Variants in PPP2R5E observed in about 807,000 individuals in gnomAD.
The protein encoded by PPP2R5E is serine/threonine-protein phosphatase 2A 56 kDa regulatory subunit epsilon isoform.
Under a neutral mutation model 65.3 loss-of-function variants are expected in PPP2R5E, and 4 were observed. The observed-to-expected ratio is 0.06, with a 90% CI of 0.03 to 0.14. The LOEUF (loss-of-function observed/expected upper bound fraction) is 0.14. Ranked by LOEUF, PPP2R5E falls within the 10% of genes least tolerant of loss-of-function variation. PPP2R5E has a pLI of 1.00. For synonymous variants in PPP2R5E, 183 were observed against 187.4 expected (o/e 0.98, Z 0.19); for missense variants, 274 against 556.1 (o/e 0.49, Z 5.10).
At chr14:63,455,147 T>C (rs1159986910) in intron 2 of PPP2R5E, among the ~76,000 whole-genome samples, 1 of 152,276 alleles carries the variant, frequency 6.6e-6, no homozygotes, top group East Asian at 1.9e-4. Context: ...GGCAACAGCA[T>C]ACAGCACCCC....
At chr14:63,455,473 G>A (rs965050028) in intron 2 of PPP2R5E, among the ~76,000 whole-genome samples, 1 of 152,138 alleles carries the variant, frequency 6.6e-6, no homozygotes, top group African/African-American at 2.4e-5. Context: ...ATTAACCAGT[G>A]AGTTTCCCTT....
intron 2 of PPP2R5E, among the ~76,000 whole-genome samples, chr14:63,490,949 T>C (rs533231260): frequency 5.9e-5 from 9 of 152,014 alleles, no homozygotes; most frequent in African/African-American, 1.7e-4. Flanking sequence ...ATGTTCATCA[T>C]AGCACTATTC....
At chr14:63,458,542 G>A (rs1432478734) in intron 2 of PPP2R5E, among the ~76,000 whole-genome samples, 6 of 152,122 alleles carry the variant, frequency 3.9e-5, no homozygotes, top group African/African-American at 1.4e-4. Context: ...AAATATGCCA[G>A]CCAAGTAAAT....
intron 3 of PPP2R5E, among the ~76,000 whole-genome samples, chr14:63,450,164 C>A (rs1286846458): frequency 3.9e-5 from 6 of 152,210 alleles, no homozygotes; most frequent in Admixed American, 1.3e-4. Context: ...GCGTGAGCCA[C>A]CGCGCCCAGC....
chr14:63,502,706 T>C (rs1177400793), intron 2 of PPP2R5E, among the ~76,000 whole-genome samples: 2 of 152,048 alleles, frequency 1.3e-5, no homozygotes, highest in South Asian at 2.1e-4. Context: ...CCCACCACAA[T>C]ACCCAAATGC....
Position 63,420,791 on chromosome 14 carries a change from G to A in PPP2R5E, c.456+1202C>T, listed in dbSNP as rs1293839167. On this transcript the variant is annotated intron_variant, in intron 4 of 13. Transcript: ENST00000337537. ...CCTGAGGCCGGGCGCGGTGGCTCACGCCTGTAATCCCAGCACTTTGGGAGG... is the reference window on the plus strand; with the variant it reads ...CCTGAGGCCGGGCGCGGTGGCTCACACCTGTAATCCCAGCACTTTGGGAGG... 2.0e-5 allele frequency among the ~76,000 whole-genome samples: 2 copies of A among 100,954 alleles called. 1 individual carries two copies. The highest frequency in any genetic ancestry group is 1.1e-4 in the African/African-American group (2 of 17,702). The allele number at this position is 100,954 out of a possible 152,430, so 66.2% of individuals were successfully genotyped here.
intron 5 of PPP2R5E, among the ~76,000 whole-genome samples, chr14:63,405,644 T>C (rs984538999): frequency 1.3e-5 from 2 of 152,228 alleles, no homozygotes; most frequent in Non-Finnish European, 2.9e-5. Context: ...AAGTAATCTT[T>C]AGAAATATGT....
At chr14:63,480,101 T>G (rs1890618761) in intron 2 of PPP2R5E, among the ~76,000 whole-genome samples, 1 of 152,164 alleles carries the variant, frequency 6.6e-6, no homozygotes, top group Non-Finnish European at 1.5e-5. Flanking sequence ...CTTTTACCAA[T>G]CTTACTCCAC....
intron 3 of PPP2R5E, among the ~76,000 whole-genome samples, chr14:63,441,495 C>T (rs1888233586): frequency 1.3e-5 from 2 of 152,218 alleles, no homozygotes; most frequent in South Asian, 4.1e-4. Context: ...TTGTACTCTC[C>T]AAGTGAGCAG....
chr14:63,484,003 G>C (rs1424365822), intron 2 of PPP2R5E, among the ~76,000 whole-genome samples: 3 of 151,548 alleles, frequency 2.0e-5, no homozygotes, highest in Non-Finnish European at 4.4e-5. Flanking sequence ...AGAATCGCTT[G>C]AACTGGTGAG....
intron 2 of PPP2R5E, among the ~76,000 whole-genome samples, chr14:63,459,708 C>T (rs1390613527): frequency 6.6e-6 from 1 of 152,118 alleles, no homozygotes; most frequent in Non-Finnish European, 1.5e-5. Flanking sequence ...CACTGCTAAG[C>T]ATTTGTATTT....
Position 63,501,969 on chromosome 14 carries a change from A to G in PPP2R5E, c.157+37560T>C, listed in dbSNP as rs571151753. ...GAGTGCAGTGGCGAGATCTCAGCTC[A>G]CTGCAGCCTCCACCTCCAAGGTTCA... On this transcript the variant is annotated intron_variant, in intron 2 of 13. Coordinates refer to ENST00000337537, the MANE Select transcript of PPP2R5E (RefSeq NM_006246.5). Among the ~76,000 whole-genome samples the G allele has an allele frequency of 2.6e-3, 393 of 152,250 alleles. 1 individual carries two copies. The highest frequency in any genetic ancestry group is 6.8e-3 in the Middle Eastern group (2 of 294).
intron 2 of PPP2R5E, among the ~76,000 whole-genome samples, chr14:63,462,236 A>G (rs1297450582): frequency 6.6e-6 from 1 of 151,924 alleles, no homozygotes; most frequent in African/African-American, 2.4e-5. Context: ...TTGCCCGGCT[A>G]ATTTTTTGTA....
Position 63,453,739 on chromosome 14 carries a change from T to C in PPP2R5E, c.304A>G (p.Ile102Val). ...TLNELVDYITISRGCLTEQTY... is the reference protein window; with the variant it reads ...TLNELVDYITVSRGCLTEQTY... ...TGCTCTGTCAAACAGCCTCTGCTTATTGTAATGTAGTCCACCAGTTCATTA... is the reference window on the plus strand; with the variant it reads ...TGCTCTGTCAAACAGCCTCTGCTTACTGTAATGTAGTCCACCAGTTCATTA... Residue 102 changes from isoleucine to valine, a missense_variant, in exon 3 of 14, where the codon ATA becomes GTA. Physicochemically the swap from Ile to Val is conservative, Grantham distance 29 (BLOSUM62 3). Coordinates refer to ENST00000337537, the MANE Select transcript of PPP2R5E (RefSeq NM_006246.5). 3 of 1,613,888 alleles carry C rather than the reference T, an allele frequency of 1.9e-6. No homozygotes were observed. The highest frequency in any genetic ancestry group is 1.1e-5 in the South Asian group (1 of 91,000).
At chr14:63,472,475 T>C (rs1890181884) in intron 2 of PPP2R5E, among the ~76,000 whole-genome samples, 1 of 152,334 alleles carries the variant, frequency 6.6e-6, no homozygotes, top group Non-Finnish European at 1.5e-5. Context: ...ACACAGAAGT[T>C]TGGTTGTTTC....
intron 11 of PPP2R5E, among the ~76,000 whole-genome samples, chr14:63,388,080 C>A (rs1183782938): frequency 6.6e-6 from 1 of 151,700 alleles, no homozygotes; most frequent in African/African-American, 2.4e-5. Context: ...TTCTAAGCTT[C>A]TGAGTAACGC....
chr14:63,389,832 T>G, intron 10 of PPP2R5E, 101 bp from the exon 11 acceptor site: 1 of 1,297,362 alleles, frequency 7.7e-7, no homozygotes, highest in South Asian at 1.8e-5. Flanking sequence ...TAAGAAAAAT[T>G]TACACATAAA....
rs866128704 is a variant in PPP2R5E, at chr14:63,539,603, T to C, written c.83A>G (p.Lys28Arg). The C allele has an allele frequency of 6.2e-7, 1 of 1,614,176 alleles. No individual in the cohort carries two copies. The highest frequency in any genetic ancestry group is 8.5e-7 in the Non-Finnish European group (1 of 1,180,018). ...SRKSVRKARQKRSQSSSQFRS... is the reference protein window; with the variant it reads ...SRKSVRKARQRRSQSSSQFRS... Reference sequence around the variant, plus strand: ...AAACTGTGAGGAACTTTGCGACCTCTTCTGTCTGGCTTTTCTGACGGACTT... The same window carrying C: ...AAACTGTGAGGAACTTTGCGACCTCCTCTGTCTGGCTTTTCTGACGGACTT... The change falls in exon 2 of 14, where the codon AAG (lysine) becomes AGG (arginine). Residue 28 changes from lysine to arginine, a missense_variant. Transcript: ENST00000337537.
chr14:63,418,841 C>CTTTT (rs772740856), intron 4 of PPP2R5E, among the ~76,000 whole-genome samples: 91 of 105,070 alleles, frequency 8.7e-4, no homozygotes, highest in African/African-American at 9.8e-4. Flanking sequence ...AATTTTTTTA[C>CTTTT]TTTTTTTTTT....
Sources: gnomAD v4.1 joint callset for allele counts (sites outside exome capture counted in the v4.1 genomes callset) on GRCh38, gnomAD v4.1.1 for gene constraint, MANE v1.5 for transcripts, NCBI Gene and HGNC (gene_info 2026-07-23, HGNC 2026-07-21) for gene names.